LRMDA: variants seen among roughly 807,000 people sequenced by gnomAD.
LRMDA encodes the protein leucine rich melanocyte differentiation associated, also known as leucine-rich melanocyte differentiation-associated protein.
LRMDA carries 18 observed loss-of-function variants against 29.8 expected under a neutral mutation model. The ratio of observed to expected loss-of-function variants is 0.60; its 90% CI spans 0.42 to 0.90. LRMDA has a LOEUF of 0.90. LRMDA is among the 40% of genes least tolerant of loss of function. The pLI, the probability that LRMDA is intolerant of heterozygous loss-of-function variation, is 0.00. For missense variants in LRMDA, 273 were observed against 273.9 expected (o/e 1.00, Z 0.02); for synonymous variants, 125 against 109.4 (o/e 1.14, Z -0.89).
chr10:76,159,284 G>A (rs570096897), intron 5 of LRMDA, among the ~76,000 whole-genome samples: 2 of 152,224 alleles, frequency 1.3e-5, no homozygotes, highest in East Asian at 1.9e-4. Context: ...AAAACTTTAT[G>A]AGTGCCACAT....
At chr10:75,985,198 A>G (rs962945623) in intron 2 of LRMDA, among the ~76,000 whole-genome samples, 1 of 152,212 alleles carries the variant, frequency 6.6e-6, no homozygotes. Context: ...TAGGAAAAGT[A>G]AAGGGAAATG....
chr10:76,231,386 T>C (rs1245547936), intron 5 of LRMDA, among the ~76,000 whole-genome samples: 2 of 152,238 alleles, frequency 1.3e-5, no homozygotes, highest in African/African-American at 4.8e-5. Flanking sequence ...ATCAAAGGGC[T>C]AGAAGATTGC....
intron 2 of LRMDA, among the ~76,000 whole-genome samples, chr10:75,974,866 A>G (rs1044042775): frequency 6.6e-6 from 1 of 152,220 alleles, no homozygotes; most frequent in Non-Finnish European, 1.5e-5. Flanking sequence ...TATTATTAAC[A>G]TGATGAGGAT....
intron 2 of LRMDA, among the ~76,000 whole-genome samples, chr10:75,749,326 G>C (rs1466023391): frequency 6.6e-6 from 1 of 151,962 alleles, no homozygotes; most frequent in African/African-American, 2.4e-5. Flanking sequence ...TAGTACTTTT[G>C]GGGGAGCCAA....
At chr10:75,473,796 C>A (rs901549104) in intron 2 of LRMDA, among the ~76,000 whole-genome samples, 2 of 152,186 alleles carry the variant, frequency 1.3e-5, no homozygotes, top group Non-Finnish European at 1.5e-5. Flanking sequence ...TTGTTTGTGT[C>A]ATCATGATCA....
At chr10:75,674,778 G>A (rs1332638629) in intron 2 of LRMDA, among the ~76,000 whole-genome samples, 3 of 152,078 alleles carry the variant, frequency 2.0e-5, no homozygotes, top group African/African-American at 7.2e-5. Flanking sequence ...TTGGGTGCTG[G>A]GGCTCAGTGG....
chr10:76,250,002 C>T (rs575168858), intron 5 of LRMDA, among the ~76,000 whole-genome samples: 12 of 152,226 alleles, frequency 7.9e-5, no homozygotes, highest in Admixed American at 2.0e-4. Flanking sequence ...GATGAGGTTT[C>T]GCCATGTTGG....
chr10:76,005,939 A>T (rs1175511945), intron 2 of LRMDA, among the ~76,000 whole-genome samples: 15 of 151,852 alleles, frequency 9.9e-5, no homozygotes, highest in Non-Finnish European at 1.5e-5. Context: ...AAATAAATAA[A>T]TAAATAAATA....
chr10:75,517,546 A>C (rs986674479), intron 2 of LRMDA, among the ~76,000 whole-genome samples: 7 of 152,108 alleles, frequency 4.6e-5, no homozygotes, highest in African/African-American at 1.7e-4. Context: ...TTGCACATTG[A>C]TTTTGTATCC....
At chr10:75,972,849 C>A (rs913457238) in intron 2 of LRMDA, among the ~76,000 whole-genome samples, 7 of 152,180 alleles carry the variant, frequency 4.6e-5, no homozygotes, top group Admixed American at 6.5e-5. Flanking sequence ...CCATCTACAG[C>A]CCACACAAAT....
intron 2 of LRMDA, among the ~76,000 whole-genome samples, chr10:75,931,579 G>A (rs1846206038): frequency 6.6e-6 from 1 of 152,156 alleles, no homozygotes; most frequent in Non-Finnish European, 1.5e-5. Flanking sequence ...GATGTTATAA[G>A]TCAAGGATCT....
chr10:75,776,235 T>C (rs1229838119), intron 2 of LRMDA, among the ~76,000 whole-genome samples: 1 of 152,210 alleles, frequency 6.6e-6, no homozygotes, highest in Non-Finnish European at 1.5e-5. Flanking sequence ...CTGCTATTGC[T>C]GCTTTTTCTC....
intron 2 of LRMDA, among the ~76,000 whole-genome samples, chr10:75,573,842 C>G (rs1358359956): frequency 2.6e-5 from 4 of 151,980 alleles, no homozygotes; most frequent in African/African-American, 4.8e-5. Context: ...GTCTTGGGTT[C>G]TGGAAGGATC....
chr10:76,276,274 G>A (rs1840133475), intron 5 of LRMDA, among the ~76,000 whole-genome samples: 1 of 151,818 alleles, frequency 6.6e-6, no homozygotes, highest in African/African-American at 2.4e-5. Flanking sequence ...CTAGTAGCTG[G>A]GTCTACAAGC....
At chr10:75,783,131 T>G in intron 2 of LRMDA, 1 of 1,292,212 alleles carries the variant, frequency 7.7e-7, no homozygotes, top group South Asian at 1.2e-5. Flanking sequence ...ATGAGCGAGA[T>G]GATTGATCTG....
chr10:75,558,590 TTACA>T (rs1285106384), intron 2 of LRMDA, among the ~76,000 whole-genome samples: 1 of 151,332 alleles, frequency 6.6e-6, no homozygotes, highest in African/African-American at 2.4e-5. Context: ...TGCAGGTTAG[TTACA>T]TATGTATACA....
At chr10:75,560,804 G>C (rs1410816883) in intron 2 of LRMDA, among the ~76,000 whole-genome samples, 1 of 152,044 alleles carries the variant, frequency 6.6e-6, no homozygotes, top group African/African-American at 2.4e-5. Context: ...TGTGGTTTTT[G>C]TCTTTGATTC....
chr10:75,707,591 C>T (rs1842384905), intron 2 of LRMDA, among the ~76,000 whole-genome samples: 1 of 152,142 alleles, frequency 6.6e-6, no homozygotes, highest in Admixed American at 6.5e-5. Context: ...TTCATCTTGC[C>T]TGGGCCTGGT....
intron 2 of LRMDA, among the ~76,000 whole-genome samples, chr10:75,775,704 C>T (rs1247540091): frequency 6.6e-6 from 1 of 152,204 alleles, no homozygotes; most frequent in Non-Finnish European, 1.5e-5. Context: ...CCAAAGGAAT[C>T]TCTTGGTGGC....
Sources: gnomAD v4.1 joint callset for allele counts (sites outside exome capture counted in the v4.1 genomes callset) on GRCh38, gnomAD v4.1.1 for gene constraint, MANE v1.5 for transcripts, NCBI Gene and HGNC (gene_info 2026-07-23, HGNC 2026-07-21) for gene names.